The following DCAF8L2 variants were observed in gnomAD, a reference collection of about 807,000 sequenced individuals.
The protein encoded by DCAF8L2 is DDB1 and CUL4 associated factor 8 like 2.
For synonymous variants in DCAF8L2, 200 were observed against 190.9 expected (o/e 1.05, Z -0.39); for missense variants, 430 against 490.7 (o/e 0.88, Z 1.17).
At chrX:27,614,296 A>T (rs868179651) in intron 1 of DCAF8L2, among the ~76,000 whole-genome samples, 13 of 109,730 alleles carry the variant, frequency 1.2e-4, no homozygotes, top group Non-Finnish European at 2.1e-4. Context: ...ATCGGTGGTG[A>T]TATCCCCTTT....
intron 3 of DCAF8L2, among the ~76,000 whole-genome samples, chrX:27,698,895 T>G (rs995891471): frequency 5.4e-5 from 6 of 111,901 alleles, no homozygotes; most frequent in African/African-American, 1.9e-4. Flanking sequence ...TTCTTTTGAC[T>G]ATTTTAAATG....
chrX:27,521,039 T>A, the DCAF8L2 span, among the ~76,000 whole-genome samples: 8 of 112,332 alleles, frequency 7.1e-5, no homozygotes, highest in South Asian at 2.9e-3. Context: ...ATTCAAGTGT[T>A]TTATGAAATT....
At chrX:27,517,021 A>G in the DCAF8L2 span, among the ~76,000 whole-genome samples, 1 of 111,684 alleles carries the variant, frequency 9.0e-6, no homozygotes, top group South Asian at 3.8e-4. Context: ...CCTCTGTGAA[A>G]TGGTAGGCAA....
chrX:27,639,922 T>A (rs1345703978), intron 2 of DCAF8L2, among the ~76,000 whole-genome samples: 1 of 112,169 alleles, frequency 8.9e-6, no homozygotes, highest in Non-Finnish European at 1.9e-5. Context: ...TATCACTTTT[T>A]AAAATTTTAT....
the DCAF8L2 span, among the ~76,000 whole-genome samples, chrX:27,542,461 A>C: frequency 9.2e-6 from 1 of 108,583 alleles, no homozygotes. Context: ...AGTATGTTGA[A>C]CATTTTTTCA....
intron 4 of DCAF8L2, among the ~76,000 whole-genome samples, chrX:27,744,938 A>G (rs1922085922): frequency 1.8e-5 from 2 of 111,311 alleles, no homozygotes. Context: ...CAAGTAAACC[A>G]TTTTTCTTTT....
the DCAF8L2 span, among the ~76,000 whole-genome samples, chrX:27,473,059 C>T: frequency 8.9e-6 from 1 of 112,077 alleles, no homozygotes; most frequent in Non-Finnish European, 1.9e-5. Context: ...GTTTTCATAG[C>T]AGTTTGTTCC....
At chrX:27,610,071 C>G (rs772841104) in intron 1 of DCAF8L2, among the ~76,000 whole-genome samples, 1 of 111,854 alleles carries the variant, frequency 8.9e-6, no homozygotes, top group African/African-American at 3.2e-5. Flanking sequence ...GGGTGGATAG[C>G]ATAGACCAGA....
At chrX:27,478,016 T>C in the DCAF8L2 span, among the ~76,000 whole-genome samples, 1 of 111,559 alleles carries the variant, frequency 9.0e-6, no homozygotes, top group East Asian at 2.8e-4. Context: ...AGATTCTCAA[T>C]GAATCGTTAG....
chrX:27,616,432 ATAAT>A (rs1927479557), intron 1 of DCAF8L2, among the ~76,000 whole-genome samples: 1 of 111,613 alleles, frequency 9.0e-6, no homozygotes, highest in Non-Finnish European at 1.9e-5. Flanking sequence ...GAGAATTGGA[ATAAT>A]TAATTCTGAT....
At chrX:27,542,030 C>T in the DCAF8L2 span, among the ~76,000 whole-genome samples, 16 of 111,010 alleles carry the variant, frequency 1.4e-4, no homozygotes, top group Non-Finnish European at 3.8e-5. Context: ...TGATTTCATT[C>T]TCTTCTTATG....
At chrX:27,726,142 A>AT (rs1302862051) in intron 4 of DCAF8L2, among the ~76,000 whole-genome samples, 2 of 111,340 alleles carry the variant, frequency 1.8e-5, no homozygotes, top group African/African-American at 3.2e-5. Context: ...CCTTCAGGGC[A>AT]TTTCTCTCTA....
At chrX:27,542,313 C>T in the DCAF8L2 span, among the ~76,000 whole-genome samples, 3 of 110,872 alleles carry the variant, frequency 2.7e-5, no homozygotes, top group African/African-American at 6.6e-5. Context: ...TTTATATTCC[C>T]GCCAACAATG....
the DCAF8L2 span, among the ~76,000 whole-genome samples, chrX:27,533,932 C>T: frequency 8.9e-6 from 1 of 112,036 alleles, no homozygotes; most frequent in African/African-American, 3.2e-5. Context: ...GTAATCCCAG[C>T]ACATGGTGGC....
At chrX:27,524,787 A>G in the DCAF8L2 span, among the ~76,000 whole-genome samples, 1 of 111,533 alleles carries the variant, frequency 9.0e-6, no homozygotes, top group Non-Finnish European at 1.9e-5. Context: ...TTCGTTATGT[A>G]CCCAGTAGTC....
At chrX:27,561,607 A>T in the DCAF8L2 span, among the ~76,000 whole-genome samples, 6 of 111,288 alleles carry the variant, frequency 5.4e-5, no homozygotes, top group African/African-American at 2.0e-4. Flanking sequence ...CTGTACCCTA[A>T]AAAAACACTA....
intron 1 of DCAF8L2, among the ~76,000 whole-genome samples, chrX:27,593,436 G>A (rs1316422525): frequency 8.9e-6 from 1 of 112,071 alleles, no homozygotes; most frequent in Non-Finnish European, 1.9e-5. Flanking sequence ...AATATTCCCT[G>A]TGTTTACTGG....
At chrX:27,742,273 A>C (rs182980030) in intron 4 of DCAF8L2, among the ~76,000 whole-genome samples, 14 of 111,676 alleles carry the variant, frequency 1.3e-4, no homozygotes, top group Non-Finnish European at 2.3e-4. Flanking sequence ...TGGGGTGTGT[A>C]GGAAAACAAC....
intron 4 of DCAF8L2, among the ~76,000 whole-genome samples, chrX:27,732,760 G>A (rs1181906058): frequency 1.8e-5 from 2 of 111,254 alleles, no homozygotes; most frequent in Non-Finnish European, 3.8e-5. Context: ...TGGGTCATAT[G>A]ATAGTTTTAG....
Sources: gnomAD v4.1 joint callset for allele counts (sites outside exome capture counted in the v4.1 genomes callset) on GRCh38, gnomAD v4.1.1 for gene constraint, MANE v1.5 for transcripts, NCBI Gene and HGNC (gene_info 2026-07-23, HGNC 2026-07-21) for gene names.